The following GRM8 variants were observed in gnomAD, a reference collection of about 807,000 sequenced individuals.
GRM8 encodes metabotropic glutamate receptor 8.
A neutral mutation model predicts 87.2 loss-of-function variants in GRM8; 47 were observed. The ratio of observed to expected loss-of-function variants is 0.54; its 90% CI spans 0.43 to 0.69. The LOEUF (loss-of-function observed/expected upper bound fraction) is 0.69, where lower values mean the gene tolerates loss of function less well. Ranked by LOEUF, GRM8 falls within the 30% of genes least tolerant of loss-of-function variation. The pLI is 0.00. For synonymous variants in GRM8, 396 were observed against 404.5 expected (o/e 0.98, Z 0.25); for missense variants, 1,019 against 1,139.2 (o/e 0.89, Z 1.52).
intron 8 of GRM8, among the ~76,000 whole-genome samples, chr7:126,601,402 G>A (rs1248899394): frequency 6.6e-6 from 1 of 152,102 alleles, no homozygotes; most frequent in Non-Finnish European, 1.5e-5. Context: ...ACGTGTGCAT[G>A]TGTCTTTATA....
intron 9 of GRM8, among the ~76,000 whole-genome samples, chr7:126,509,140 G>A (rs556109696): frequency 6.6e-6 from 1 of 152,110 alleles, no homozygotes; most frequent in Admixed American, 6.6e-5. Context: ...CTGAAGACAG[G>A]GGCAGAAAAG....
intron 3 of GRM8, among the ~76,000 whole-genome samples, chr7:127,002,914 G>A (rs1052180158): frequency 1.3e-5 from 2 of 151,634 alleles, no homozygotes; most frequent in African/African-American, 2.4e-5. Context: ...TAATACTATG[G>A]TTCTCAAACA....
At chr7:126,518,929 T>C (rs1812566103) in intron 9 of GRM8, among the ~76,000 whole-genome samples, 1 of 152,116 alleles carries the variant, frequency 6.6e-6, no homozygotes, top group Admixed American at 6.6e-5. Flanking sequence ...CACAGATATG[T>C]TAATGAGAAA....
At chr7:126,618,685 A>T (rs1176810496) in intron 7 of GRM8, among the ~76,000 whole-genome samples, 3 of 151,374 alleles carry the variant, frequency 2.0e-5, no homozygotes. Flanking sequence ...TTACAAGAAA[A>T]AAACAACCCC....
At chr7:126,658,553 C>G (rs1804790622) in intron 7 of GRM8, among the ~76,000 whole-genome samples, 1 of 151,810 alleles carries the variant, frequency 6.6e-6, no homozygotes, top group Non-Finnish European at 1.5e-5. Context: ...TGTCCACAGT[C>G]CACTCAATAC....
chr7:126,645,605 T>C (rs1429051562), intron 7 of GRM8, among the ~76,000 whole-genome samples: 1 of 152,210 alleles, frequency 6.6e-6, no homozygotes. Flanking sequence ...AATAGCACCA[T>C]CTCAATTGAT....
intron 6 of GRM8, among the ~76,000 whole-genome samples, chr7:126,881,035 G>A (rs1799975487): frequency 6.6e-6 from 1 of 152,126 alleles, no homozygotes; most frequent in Non-Finnish European, 1.5e-5. Flanking sequence ...GCATGCTAGT[G>A]CTAGTGATCC....
chr7:126,852,360 G>C (rs926820009), intron 6 of GRM8, among the ~76,000 whole-genome samples: 2 of 152,176 alleles, frequency 1.3e-5, no homozygotes, highest in Non-Finnish European at 2.9e-5. Context: ...TAGCTAGGGA[G>C]TTGGAGGAAT....
chr7:127,173,356 A>G (rs1793926339), intron 2 of GRM8, among the ~76,000 whole-genome samples: 3 of 152,186 alleles, frequency 2.0e-5, no homozygotes, highest in Admixed American at 2.0e-4. Context: ...ATCTAGGGAA[A>G]GTGTATTCTG....
intron 3 of GRM8, among the ~76,000 whole-genome samples, chr7:126,965,571 T>C (rs771946002): frequency 3.3e-5 from 5 of 152,160 alleles, no homozygotes; most frequent in Non-Finnish European, 7.3e-5. Context: ...ATAATAAAGT[T>C]ATTTTATTTG....
At chr7:126,486,415 A>T (rs1807373615) in intron 9 of GRM8, among the ~76,000 whole-genome samples, 1 of 151,982 alleles carries the variant, frequency 6.6e-6, no homozygotes, top group Non-Finnish European at 1.5e-5. Flanking sequence ...AAACCTGTTG[A>T]ATATGTTTAC....
chr7:126,892,502 T>C (rs1801143297), intron 6 of GRM8, among the ~76,000 whole-genome samples: 2 of 152,200 alleles, frequency 1.3e-5, no homozygotes, highest in South Asian at 4.1e-4. Context: ...TTCCATGGTG[T>C]ATATGTGCCA....
intron 9 of GRM8, among the ~76,000 whole-genome samples, chr7:126,482,404 T>G (rs1199419352): frequency 6.6e-6 from 1 of 152,010 alleles, no homozygotes; most frequent in African/African-American, 2.4e-5. Flanking sequence ...ACAACTTAAG[T>G]GTCCACTGAC....
At chr7:126,775,480 T>TTTTTTTTTTTTG (rs1491160168) in intron 6 of GRM8, among the ~76,000 whole-genome samples, 2 of 32,676 alleles carry the variant, frequency 6.1e-5, no homozygotes, top group African/African-American at 2.8e-4. Context: ...GACAAATAGG[T>TTTTTTTTTTTTG]TTTTTTTTTT....
chr7:126,551,016 C>T (rs1307291613), intron 8 of GRM8, among the ~76,000 whole-genome samples: 3 of 151,458 alleles, frequency 2.0e-5, no homozygotes, highest in African/African-American at 7.3e-5. Flanking sequence ...TAATAAAATA[C>T]CATATTTATT....
At chr7:127,139,711 G>A (rs537556523) in intron 2 of GRM8, among the ~76,000 whole-genome samples, 2 of 152,204 alleles carry the variant, frequency 1.3e-5, no homozygotes, top group South Asian at 2.1e-4. Context: ...TGGAAAGCCT[G>A]TGTTAGAGTA....
chr7:126,532,980 A>T lies in GRM8; in HGVS notation c.2402T>A (p.Phe801Tyr). 6.2e-7 allele frequency: 1 copy of T among 1,612,836 alleles called. No individual in the cohort carries two copies. The change falls in exon 9 of 11, where the codon TTT becomes TAT. Residue 801 changes from phenylalanine (F) to tyrosine (Y), a missense_variant. By Grantham distance (22) the Phe-to-Tyr change is conservative (BLOSUM62 3). Transcript: ENST00000339582. ...TTCTGCTGACTGGGCTGTACCAAAA[A>T]AGATGGGGATGAAAGCTAACCAAAT... ...CIIWLAFIPI[F>Y]FGTAQSAEKM... is the part of the protein sequence containing the mutation.
intron 7 of GRM8, among the ~76,000 whole-genome samples, chr7:126,730,427 C>A (rs1390681603): frequency 6.6e-6 from 1 of 152,154 alleles, no homozygotes; most frequent in Non-Finnish European, 1.5e-5. Context: ...AATACACCAG[C>A]TGGACTGGAA....
intron 8 of GRM8, among the ~76,000 whole-genome samples, chr7:126,535,279 C>T (rs1815517819): frequency 6.6e-6 from 1 of 152,116 alleles, no homozygotes; most frequent in Non-Finnish European, 1.5e-5. Context: ...GAGGCCAGGT[C>T]ATAAAAGGCA....
Sources: gnomAD v4.1 joint callset for allele counts (sites outside exome capture counted in the v4.1 genomes callset) on GRCh38, gnomAD v4.1.1 for gene constraint, MANE v1.5 for transcripts, NCBI Gene and HGNC (gene_info 2026-07-23, HGNC 2026-07-21) for gene names.